The following DCAKD variants were observed in gnomAD, a reference collection of about 807,000 sequenced individuals.
The protein encoded by DCAKD is dephospho-CoA kinase domain-containing protein.
A neutral mutation model predicts 18.7 loss-of-function variants in DCAKD; 15 were observed. The ratio of observed to expected loss-of-function variants is 0.80; its 90% CI spans 0.54 to 1.24. DCAKD has a LOEUF of 1.24. Among genes scored for constraint, DCAKD ranks in the 50% most tolerant of loss-of-function variants. The pLI is 0.00. For synonymous variants in DCAKD, 130 were observed against 133.0 expected, an observed-to-expected ratio of 0.98 and a Z score of 0.16; for missense variants, 301 against 322.0, an observed-to-expected ratio of 0.93 and a Z score of 0.50.
chr17:45,060,194 A>G (rs1277514862), intron 1 of DCAKD, among the ~76,000 whole-genome samples: 1 of 152,128 alleles, frequency 6.6e-6, no homozygotes, highest in Non-Finnish European at 1.5e-5. Flanking sequence ...TAATGTACGA[A>G]ATGCCTTACT....
rs143735388 is a variant in DCAKD at position 45,034,316 on chromosome 17, C to T, written c.187G>A (p.Asp63Asn). 1.5e-5 allele frequency: 25 copies of T among 1,614,124 alleles called. No individual in the cohort carries two copies. Among genetic ancestry groups the T allele is most frequent in the African/African-American group, 9.3e-5 (7 of 75,048 alleles). ...FGTEVLLENGDINRKVLGDLI... is the reference protein window; with the variant it reads ...FGTEVLLENGNINRKVLGDLI... ...TCCCCCAGGACCTTGCGATTTATGT[C>T]GCCGTTCTCCAGCAAGACCTCAGTG... is the stretch of plus-strand genomic sequence containing the variant. The change falls in exon 3 of 5, where the codon GAC becomes AAC. Residue 63 changes from aspartate to asparagine, a missense_variant. Coordinates refer to ENST00000651974, the MANE Select transcript of DCAKD (RefSeq NM_001288655.2).
intron 1 of DCAKD, among the ~76,000 whole-genome samples, chr17:45,037,149 T>C (rs2053319256): frequency 6.6e-6 from 1 of 152,126 alleles, no homozygotes; most frequent in Admixed American, 6.6e-5. Flanking sequence ...TGGAGAGACC[T>C]AGCTACATTA....
intron 1 of DCAKD, among the ~76,000 whole-genome samples, chr17:45,049,379 A>C (rs1289544099): frequency 6.6e-6 from 1 of 152,086 alleles, no homozygotes; most frequent in Non-Finnish European, 1.5e-5. Flanking sequence ...TGCAGTAACC[A>C]GTGACTGCCA....
intron 1 of DCAKD, among the ~76,000 whole-genome samples, chr17:45,043,617 C>T (rs534937881): frequency 4.6e-5 from 7 of 152,290 alleles, no homozygotes; most frequent in Admixed American, 3.9e-4. Context: ...AGACGGGAGG[C>T]GGCACGGACG....
At chr17:45,057,256 A>G (rs9748204) in intron 1 of DCAKD, among the ~76,000 whole-genome samples, 77,173 of 151,250 alleles carry the variant, frequency 0.51, 20,113 homozygotes, top group Middle Eastern at 0.59. Flanking sequence ...TTGCCCAGGC[A>G]GGTCTCACAC....
intron 3 of DCAKD, among the ~76,000 whole-genome samples, chr17:45,033,555 C>G (rs1300920247): frequency 6.6e-6 from 1 of 152,170 alleles, no homozygotes; most frequent in Non-Finnish European, 1.5e-5. Context: ...ACCTCCACCT[C>G]CCAGGTTAAA....
chr17:45,053,163 T>C (rs1379008034), upstream of DCAKD, among the ~76,000 whole-genome samples: 1 of 68,980 alleles, frequency 1.4e-5, no homozygotes, highest in African/African-American at 6.8e-5. Flanking sequence ...AGACTCTGTC[T>C]CCAGTTAAAA....
At chr17:45,026,629 T>C in intron 4 of DCAKD, 1 of 985,426 alleles carries the variant, frequency 1.0e-6, no homozygotes, top group Non-Finnish European at 1.2e-6. Context: ...GTTTGGTCCC[T>C]TCTTAGGGAT....
intron 1 of DCAKD, among the ~76,000 whole-genome samples, chr17:45,047,729 T>C (rs1394314359): frequency 6.6e-6 from 1 of 151,996 alleles, no homozygotes; most frequent in Admixed American, 6.6e-5. Flanking sequence ...GGTCTTGAAC[T>C]TGTGACCTTG....
intron 4 of DCAKD, chr17:45,026,448 G>A (rs1012093834): frequency 3.5e-5 from 7 of 202,584 alleles, no homozygotes; most frequent in East Asian, 1.9e-4. Context: ...GGATGGTCTC[G>A]ATCTCCTGAC....
chr17:45,053,183 A>AC (rs1327582193), upstream of DCAKD, among the ~76,000 whole-genome samples: 5 of 149,144 alleles, frequency 3.4e-5, no homozygotes, highest in Admixed American at 6.7e-5. Context: ...AAAAAAAAAA[A>AC]AAAAAAAAAA....
In DCAKD at chr17:45,034,864, CT is replaced by C; in HGVS notation, c.21del (p.Gly9AlafsTer9). 9 of 1,595,560 alleles carry C rather than the reference CT, an allele frequency of 5.6e-6. No homozygotes were observed. Among genetic ancestry groups the C allele is most frequent in the Non-Finnish European group, 7.7e-6 (9 of 1,165,646 alleles). MFLVGL[T>X]GGIASGKSSV... ...GAGCTCTTGCCTGAGGCAATGCCCC[CT>C]GTCAGGCCCACCAGAAACATCTTCC... On this transcript the variant is annotated frameshift_variant, in exon 2 of 5. Coordinates refer to ENST00000651974, the MANE Select transcript of DCAKD (RefSeq NM_001288655.2). LOFTEE classifies it high-confidence loss of function.
chr17:45,035,990 C>A (rs1232933058), intron 1 of DCAKD, among the ~76,000 whole-genome samples: 1 of 152,116 alleles, frequency 6.6e-6, no homozygotes, highest in Non-Finnish European at 1.5e-5. Flanking sequence ...ACCACTCTTG[C>A]CAAGAAGGAA....
chr17:45,026,545 T>C (rs2053060450), intron 4 of DCAKD: 1 of 926,808 alleles, frequency 1.1e-6, no homozygotes, highest in African/African-American at 1.8e-5. Context: ...TAAATAAATA[T>C]AGAGACGAGG....
At chr17:45,033,993 C>T (rs1168792518) in intron 3 of DCAKD, 194 bp downstream of exon 3, 40 of 1,592,276 alleles carry the variant, frequency 2.5e-5, no homozygotes, top group Non-Finnish European at 3.1e-5. Context: ...TGTCAGCCTC[C>T]TTAAGAGCTG....
intron 3 of DCAKD, chr17:45,031,195 C>A: frequency 1.0e-6 from 1 of 985,372 alleles, no homozygotes. Flanking sequence ...AAGGGTGTCA[C>A]GGGAAACTTG....
rs1213002493 is a variant in DCAKD, at chr17:45,034,179, G to A, written c.316+8C>T. ...GCCCCGCCCCCCGCCCCAGGCCCTG[G>A]CACTTACCCCGGAGGAAGTACTTGA... is the stretch of plus-strand genomic sequence containing the variant. On this transcript the variant is annotated splice_region_variant and intron_variant, in intron 3 of 4. Coordinates refer to ENST00000651974, the MANE Select transcript of DCAKD (RefSeq NM_001288655.2). 1.2e-6 allele frequency: 2 copies of A among 1,613,726 alleles called. No individual in the cohort carries two copies.
In DCAKD at chr17:45,047,702, G is replaced by A. The variant is rs528193253; in HGVS notation, c.-115+3659C>T. 7.9e-5 allele frequency among the ~76,000 whole-genome samples: 12 copies of A among 151,920 alleles called. No homozygotes were observed. In the South Asian group the frequency reaches 1.0e-3, roughly 13 times the overall value. On this transcript the variant is annotated intron_variant, in intron 1 of 4. Coordinates refer to ENST00000651974, the MANE Select transcript of DCAKD (RefSeq NM_001288655.2). ...GTATCTTTAGTACAGACGGGGTTTC[G>A]GCATGTTGGTCAGGCTGGTCTTGAA...
intron 3 of DCAKD, 42 bp from the exon 4 acceptor site, chr17:45,030,221 C>T (rs73311379): frequency 0.2 from 316,412 of 1,570,150 alleles, 33,805 homozygotes; most frequent in African/African-American, 0.32. Flanking sequence ...ATTCTGCAAG[C>T]GCACACTGAG....
Sources: gnomAD v4.1 joint callset for allele counts (sites outside exome capture counted in the v4.1 genomes callset) on GRCh38, gnomAD v4.1.1 for gene constraint, MANE v1.5 for transcripts, NCBI Gene and HGNC (gene_info 2026-07-23, HGNC 2026-07-21) for gene names.